Variants in CFI observed in about 807,000 individuals in gnomAD.
The protein encoded by CFI is C3B/C4B inactivator.
CFI carries 66 observed loss-of-function variants against 78.8 expected under a neutral mutation model. That is an observed-to-expected ratio of 0.84 (90% CI 0.69 to 1.03). CFI has a LOEUF of 1.03. CFI is among the 50% of genes least tolerant of loss of function. The pLI, the probability that CFI is intolerant of heterozygous loss-of-function variation, is 0.00. For missense variants in CFI, 706 were observed against 704.5 expected (o/e 1.00, Z -0.02); for synonymous variants, 250 against 232.6 (o/e 1.07, Z -0.68).
chr4:109,754,280 C>T (rs918572025), intron 7 of CFI, among the ~76,000 whole-genome samples: 4 of 151,872 alleles, frequency 2.6e-5, no homozygotes, highest in Non-Finnish European at 2.9e-5. Flanking sequence ...CTGTGCCTGG[C>T]CTCCCAAGGT....
chr4:109,789,761 T>C (rs899973665), intron 1 of CFI, among the ~76,000 whole-genome samples: 1 of 152,058 alleles, frequency 6.6e-6, no homozygotes, highest in Non-Finnish European at 1.5e-5. Flanking sequence ...AAGATAGTCT[T>C]CATCTCTGTT....
intron 1 of CFI, among the ~76,000 whole-genome samples, chr4:109,776,676 T>A (rs1303216321): frequency 1.3e-5 from 2 of 152,148 alleles, no homozygotes; most frequent in Non-Finnish European, 2.9e-5. Context: ...ATTGTCAGAT[T>A]CACCAAAGTT....
intron 1 of CFI, among the ~76,000 whole-genome samples, chr4:109,799,305 G>A (rs997674334): frequency 6.6e-6 from 1 of 152,166 alleles, no homozygotes; most frequent in African/African-American, 2.4e-5. Context: ...TTTCTGCTCT[G>A]AGTTCTGAGC....
intron 7 of CFI, among the ~76,000 whole-genome samples, chr4:109,752,923 ATATT>A (rs1725326361): frequency 9.3e-6 from 1 of 108,100 alleles, no homozygotes; most frequent in Admixed American, 1.4e-4. Context: ...TTTATAATAT[ATATT>A]TATTATATAA....
At chr4:109,795,867 G>A (rs760796192) in intron 1 of CFI, among the ~76,000 whole-genome samples, 2 of 152,068 alleles carry the variant, frequency 1.3e-5, no homozygotes, top group South Asian at 2.1e-4. Context: ...ATACCCTCAA[G>A]CCAACGAATG....
downstream of CFI, among the ~76,000 whole-genome samples, chr4:109,738,404 G>A (rs181992641): frequency 2.6e-5 from 4 of 152,196 alleles, no homozygotes; most frequent in Non-Finnish European, 4.4e-5. Flanking sequence ...GATCCACTGC[G>A]CCCAGCCACT....
At chr4:109,735,830 T>G (rs975195968), downstream of CFI, among the ~76,000 whole-genome samples, 7 of 152,326 alleles carry the variant, frequency 4.6e-5, no homozygotes, top group African/African-American at 9.6e-5. Flanking sequence ...TTATACACAC[T>G]TCAAAAAGGG....
intron 3 of CFI, among the ~76,000 whole-genome samples, chr4:109,763,873 TA>T (rs1430471622): frequency 6.6e-6 from 1 of 151,194 alleles, no homozygotes; most frequent in African/African-American, 2.4e-5. Context: ...ACTAATATTA[TA>T]ATAAAGAAAA....
intron 1 of CFI, among the ~76,000 whole-genome samples, chr4:109,773,945 C>T (rs1416425168): frequency 6.6e-6 from 1 of 152,210 alleles, no homozygotes; most frequent in Non-Finnish European, 1.5e-5. Flanking sequence ...AACTGAAAAC[C>T]ACTATTGTAG....
the CFI span, among the ~76,000 whole-genome samples, chr4:109,733,884 G>T: frequency 6.6e-6 from 1 of 152,206 alleles, no homozygotes; most frequent in South Asian, 2.1e-4. Flanking sequence ...AAGTCATGGG[G>T]CTTAGCTGGG....
downstream of CFI, among the ~76,000 whole-genome samples, chr4:109,740,478 T>A (rs1723657961): frequency 6.6e-6 from 1 of 152,196 alleles, no homozygotes; most frequent in Admixed American, 6.5e-5. Flanking sequence ...TATGTAAGTA[T>A]GTAGTTTCAT....
chr4:109,798,658 G>T (rs1732376876), intron 1 of CFI, among the ~76,000 whole-genome samples: 1 of 151,632 alleles, frequency 6.6e-6, no homozygotes. Context: ...GAAAATTTTT[G>T]GTTGACACTT....
chr4:109,759,498 A>C (rs985090714), intron 6 of CFI, among the ~76,000 whole-genome samples: 18 of 152,206 alleles, frequency 1.2e-4, no homozygotes, highest in African/African-American at 4.1e-4. Context: ...TATATCTAAC[A>C]TAGATTTTAG....
chr4:109,756,937 GAAAGAA>G (rs1726326684), intron 7 of CFI, among the ~76,000 whole-genome samples: 1 of 147,442 alleles, frequency 6.8e-6, no homozygotes, highest in Non-Finnish European at 1.5e-5. Flanking sequence ...AAGAAAGAAA[GAAAGAA>G]AGAAAGAAAG....
chr4:109,750,847 T>C (rs1271073112), intron 8 of CFI, among the ~76,000 whole-genome samples: 1 of 152,176 alleles, frequency 6.6e-6, no homozygotes, highest in African/African-American at 2.4e-5. Context: ...TAATCTGCCA[T>C]GTTAGCTTCT....
At position 109,746,292 on chromosome 4, in the gene CFI, A is replaced by G. The variant is rs778399058; in HGVS notation, c.1359T>C (p.Cys453=). Residue 453 remains cysteine (C), a synonymous_variant, in exon 11 of 13, where the codon TGT becomes TGC. Transcript: ENST00000394634. ...DCELPRSIPA[C]VPWSPYLFQP... ...GGAATAGGTAAGGAGACCAGGGGACACAGGCAGGGATGGAACGAGGCAGCT... is the reference window on the plus strand; with the variant it reads ...GGAATAGGTAAGGAGACCAGGGGACGCAGGCAGGGATGGAACGAGGCAGCT... 2.5e-6 allele frequency: 4 copies of G among 1,614,192 alleles called. No homozygotes were observed. Among genetic ancestry groups the G allele is most frequent in the Non-Finnish European group, 3.4e-6 (4 of 1,180,014 alleles).
chr4:109,742,221 A>G, intron 12 of CFI: 1 of 410,948 alleles, frequency 2.4e-6, no homozygotes, highest in Non-Finnish European at 4.5e-6. Flanking sequence ...AAAAGCTGGG[A>G]TATAAATCTA....
At chr4:109,798,285 A>C (rs1732308598) in intron 1 of CFI, among the ~76,000 whole-genome samples, 1 of 152,184 alleles carries the variant, frequency 6.6e-6, no homozygotes. Flanking sequence ...TTGTATACTT[A>C]AAAATTTGCT....
chr4:109,775,906 A>C (rs750354397), intron 1 of CFI, among the ~76,000 whole-genome samples: 1 of 152,182 alleles, frequency 6.6e-6, no homozygotes, highest in Non-Finnish European at 1.5e-5. Flanking sequence ...AAACTCCAAC[A>C]CACCTGCAGC....
Sources: gnomAD v4.1 joint callset for allele counts (sites outside exome capture counted in the v4.1 genomes callset) on GRCh38, gnomAD v4.1.1 for gene constraint, MANE v1.5 for transcripts, NCBI Gene and HGNC (gene_info 2026-07-23, HGNC 2026-07-21) for gene names.